RBFOX1: variants seen among roughly 807,000 people sequenced by gnomAD.
The protein encoded by RBFOX1 is RNA binding fox-1 homolog 1.
RBFOX1 carries 8 observed loss-of-function variants against 57.7 expected under a neutral mutation model. The ratio of observed to expected loss-of-function variants is 0.14; its 90% CI spans 0.08 to 0.25. RBFOX1 has a LOEUF of 0.25. RBFOX1 is among the 10% of genes least tolerant of loss of function. The pLI is 1.00. For missense variants in RBFOX1, 611 were observed against 548.5 expected (o/e 1.11, Z -1.14); for synonymous variants, 326 against 222.4 (o/e 1.47, Z -4.15).
chr16:7,504,783 ATATTTATATATATATATATT>A (rs2072593027), intron 4 of RBFOX1, among the ~76,000 whole-genome samples: 1 of 18,022 alleles, frequency 5.5e-5, no homozygotes, highest in African/African-American at 1.4e-4. Flanking sequence ...ATATATATAT[ATATTTATATATATATATATT>A]TATATATATA....
chr16:7,286,710 G>A (rs867579699), intron 4 of RBFOX1, among the ~76,000 whole-genome samples: 12 of 143,228 alleles, frequency 8.4e-5, no homozygotes, highest in Non-Finnish European at 1.0e-4. Flanking sequence ...TGCAAGCTCC[G>A]CCTCCTGGGT....
chr16:6,201,049 A>T (rs1397863167), intron 1 of RBFOX1, among the ~76,000 whole-genome samples: 1 of 151,948 alleles, frequency 6.6e-6, no homozygotes, highest in Non-Finnish European at 1.5e-5. Context: ...GAGTGAGAAC[A>T]TGTGATATTT....
intron 2 of RBFOX1, among the ~76,000 whole-genome samples, chr16:5,536,778 T>C (rs2044715848): frequency 6.7e-6 from 1 of 149,584 alleles, no homozygotes; most frequent in East Asian, 2.0e-4. Flanking sequence ...TATTGTAATA[T>C]GTGGGGGAAA....
rs1475593141 is a variant in RBFOX1 at position 7,273,192 on chromosome 16, T to C, written c.27+221094T>C. On this transcript the variant is annotated intron_variant, in intron 4 of 15. Transcript: ENST00000550418. ...TCTCTCCCTCCCTTCCTTCCTCCCTTCCTTCCTCCCTCCCTTCCTTCCTTC... is the reference window on the plus strand; with the variant it reads ...TCTCTCCCTCCCTTCCTTCCTCCCTCCCTTCCTCCCTCCCTTCCTTCCTTC... 7.2e-4 allele frequency among the ~76,000 whole-genome samples: 45 copies of C among 62,432 alleles called. 3 individuals carry two copies. The highest frequency in any genetic ancestry group is 1.9e-3 in the African/African-American group (23 of 12,126). 41.0% of individuals were successfully genotyped at this position (62,432 alleles called of 152,430 possible). A position where few individuals can be genotyped will look rare whatever the true frequency, so the allele number is the denominator to read the frequency against.
intron 3 of RBFOX1, among the ~76,000 whole-genome samples, chr16:6,747,586 A>G (rs1348211767): frequency 6.6e-6 from 1 of 152,156 alleles, no homozygotes; most frequent in Non-Finnish European, 1.5e-5. Flanking sequence ...TATTTTTAGT[A>G]TCTTCTATGG....
intron 3 of RBFOX1, among the ~76,000 whole-genome samples, chr16:6,837,225 C>A (rs1420145985): frequency 6.6e-6 from 1 of 152,198 alleles, no homozygotes; most frequent in Admixed American, 6.5e-5. Context: ...CTGTGGATCT[C>A]CGTGTTTTAA....
chr16:6,675,622 A>G (rs1354853361), intron 3 of RBFOX1, among the ~76,000 whole-genome samples: 1 of 152,230 alleles, frequency 6.6e-6, no homozygotes, highest in Non-Finnish European at 1.5e-5. Flanking sequence ...GAGCTTTAAT[A>G]GACTCACAGT....
At chr16:6,120,914 G>T (rs74004778) in intron 1 of RBFOX1, among the ~76,000 whole-genome samples, 1 of 152,310 alleles carries the variant, frequency 6.6e-6, no homozygotes, top group Admixed American at 6.5e-5. Context: ...GAAGAGAGGA[G>T]AACGAAGTCT....
chr16:6,254,423 T>G (rs2097647652), intron 1 of RBFOX1, among the ~76,000 whole-genome samples: 1 of 152,192 alleles, frequency 6.6e-6, no homozygotes, highest in Non-Finnish European at 1.5e-5. Flanking sequence ...AATTAAAAGC[T>G]GATGTGAAAT....
At chr16:6,021,628 T>C (rs2095079541) in intron 1 of RBFOX1, among the ~76,000 whole-genome samples, 1 of 152,136 alleles carries the variant, frequency 6.6e-6, no homozygotes, top group African/African-American at 2.4e-5. Context: ...TATGGTTGCC[T>C]CGGGTTAGGA....
chr16:6,901,267 A>G (rs1392725534), intron 3 of RBFOX1, among the ~76,000 whole-genome samples: 2 of 152,200 alleles, frequency 1.3e-5, no homozygotes, highest in East Asian at 1.9e-4. Context: ...TTGCTTGTTC[A>G]TCTCTTCTGT....
intron 4 of RBFOX1, among the ~76,000 whole-genome samples, chr16:7,171,743 A>T (rs764855885): frequency 2.0e-5 from 3 of 152,096 alleles, no homozygotes; most frequent in Non-Finnish European, 2.9e-5. Flanking sequence ...AACTGTAATA[A>T]CTCATTATCA....
chr16:6,486,905 A>C (rs781320564), intron 2 of RBFOX1, among the ~76,000 whole-genome samples: 1 of 152,178 alleles, frequency 6.6e-6, no homozygotes. Context: ...ATAGATAATC[A>C]GAATAGCAGT....
chr16:6,878,811 T>G (rs1310333661), intron 3 of RBFOX1, among the ~76,000 whole-genome samples: 5 of 152,168 alleles, frequency 3.3e-5, no homozygotes, highest in African/African-American at 4.8e-5. Flanking sequence ...TCACAAAGTA[T>G]AGAAAGGGGT....
chr16:6,358,577 T>C (rs1342697588), intron 2 of RBFOX1, among the ~76,000 whole-genome samples: 1 of 152,236 alleles, frequency 6.6e-6, no homozygotes, highest in Non-Finnish European at 1.5e-5. Context: ...GCAATTACTA[T>C]GAGCCAGATT....
intron 4 of RBFOX1, among the ~76,000 whole-genome samples, chr16:7,227,285 A>ACCCCCCCCCCCCCCCCCCCCCC (rs1284183490): frequency 2.7e-5 from 2 of 73,304 alleles, no homozygotes; most frequent in Non-Finnish European, 6.8e-5. Flanking sequence ...CACACACCCC[A>ACCCCCCCCCCCCCCCCCCCCCC]CCCCACCCCC....
At chr16:7,135,488 A>G (rs148962498) in intron 4 of RBFOX1, among the ~76,000 whole-genome samples, 2 of 152,214 alleles carry the variant, frequency 1.3e-5, no homozygotes, top group Non-Finnish European at 2.9e-5. Flanking sequence ...CGTGAATACT[A>G]AGGGGTGTGT....
intron 2 of RBFOX1, among the ~76,000 whole-genome samples, chr16:5,474,351 G>C (rs1001612326): frequency 2.0e-5 from 3 of 152,184 alleles, no homozygotes; most frequent in African/African-American, 7.2e-5. Context: ...ATTAATGTGT[G>C]TTTAAAAAAT....
chr16:7,054,813 G>A (rs1193745874), intron 4 of RBFOX1, among the ~76,000 whole-genome samples: 1 of 152,154 alleles, frequency 6.6e-6, no homozygotes, highest in Admixed American at 6.5e-5. Context: ...ATCATGTCGA[G>A]GGTCCTTCAT....
Sources: allele counts gnomAD v4.1 joint callset (sites outside exome capture counted in the v4.1 genomes callset), GRCh38; gene constraint gnomAD v4.1.1; transcripts MANE v1.5; gene names NCBI Gene and HGNC (gene_info 2026-07-23, HGNC 2026-07-21).